The following TRAK1 variants were observed in gnomAD, a reference collection of about 807,000 sequenced individuals.
TRAK1 encodes trafficking kinesin protein 1.
In TRAK1, 33 loss-of-function variants were observed where a neutral mutation model predicts 92.1. The observed-to-expected ratio is 0.36, with a 90% confidence interval of 0.27 to 0.48. The LOEUF is 0.48. Ranked by LOEUF, TRAK1 falls within the 20% of genes least tolerant of loss-of-function variation. The pLI, the probability that TRAK1 is intolerant of heterozygous loss-of-function variation, is 0.99. For synonymous variants in TRAK1, 521 were observed against 517.3 expected (o/e 1.01, Z -0.10); for missense variants, 1,123 against 1,257.9 (o/e 0.89, Z 1.62).
intron 1 of TRAK1, among the ~76,000 whole-genome samples, chr3:42,077,565 G>A (rs1474293175): frequency 6.6e-6 from 1 of 152,224 alleles, no homozygotes; most frequent in Non-Finnish European, 1.5e-5. Flanking sequence ...TTGGGATACA[G>A]GCGTGAGCCA....
At chr3:42,032,878 C>T (rs770925260) in intron 1 of TRAK1, among the ~76,000 whole-genome samples, 22 of 152,132 alleles carry the variant, frequency 1.4e-4, no homozygotes, top group Non-Finnish European at 2.5e-4. Context: ...GCCATGATTG[C>T]GCCACCTGCA....
chr3:42,046,357 A>G (rs1338389358), intron 1 of TRAK1, among the ~76,000 whole-genome samples: 1 of 151,110 alleles, frequency 6.6e-6, no homozygotes, highest in East Asian at 1.9e-4. Context: ...AAAAAAGACC[A>G]CACATAATTT....
Position 42,023,172 on chromosome 3 carries a change from A to AAC in TRAK1, c.-519+9056_-519+9057insCA, listed in dbSNP as rs202193279. Among the ~76,000 whole-genome samples, 40 of 151,520 alleles carry AAC rather than the reference A, an allele frequency of 2.6e-4. 2 individuals are homozygous for AAC. The South Asian group carries it at 5.8e-3, about 22-fold the overall frequency. On this transcript the variant is annotated intron_variant, in intron 1 of 16. Coordinates refer to the TRAK1 transcript ENST00000487159. ...GACTGCATCTCAAAAAAAAAAAAAA[A>AAC]AACAACAAAAAGAAAATAAATATTC...
At chr3:42,088,818 T>C (rs150031979), upstream of TRAK1, among the ~76,000 whole-genome samples, 717 of 152,334 alleles carry the variant, frequency 4.7e-3, 4 homozygotes, top group African/African-American at 0.016. Flanking sequence ...CCTCAGTGGC[T>C]GCGTTTCTTC....
At chr3:42,110,409 T>G (rs1467714919) in intron 1 of TRAK1, among the ~76,000 whole-genome samples, 3 of 152,002 alleles carry the variant, frequency 2.0e-5, no homozygotes, top group Non-Finnish European at 4.4e-5. Context: ...CATGCAAGGC[T>G]GAGGTGCTCC....
intron 1 of TRAK1, among the ~76,000 whole-genome samples, chr3:42,124,101 G>A (rs1710257323): frequency 6.6e-6 from 1 of 151,320 alleles, no homozygotes; most frequent in African/African-American, 2.4e-5. Flanking sequence ...TTGTGCCACT[G>A]CATTCCAGCC....
At chr3:42,146,175 A>G (rs1699299610) in intron 2 of TRAK1, 2 of 348,446 alleles carry the variant, frequency 5.7e-6, no homozygotes, top group Non-Finnish European at 1.1e-5. Flanking sequence ...AAGGAGGAAA[A>G]AATACCTTCA....
At chr3:42,204,580 G>C (rs1577002905) in intron 13 of TRAK1, among the ~76,000 whole-genome samples, 1 of 152,112 alleles carries the variant, frequency 6.6e-6, no homozygotes, top group Non-Finnish European at 1.5e-5. Flanking sequence ...CTTCTTAGCT[G>C]TTTATTTATG....
At chr3:42,167,744 G>A (rs753004115) in intron 2 of TRAK1, among the ~76,000 whole-genome samples, 2 of 152,166 alleles carry the variant, frequency 1.3e-5, no homozygotes, top group Non-Finnish European at 2.9e-5. Context: ...GCTGGGCGTG[G>A]TGGTGGGCAC....
intron 2 of TRAK1, among the ~76,000 whole-genome samples, chr3:42,132,272 T>G (rs1265992600): frequency 6.6e-6 from 1 of 151,532 alleles, no homozygotes; most frequent in Non-Finnish European, 1.5e-5. Context: ...GGTGTATTTT[T>G]TTTTTTTGAG....
chr3:42,205,475 G>A (rs1708224796), intron 13 of TRAK1, among the ~76,000 whole-genome samples: 2 of 152,228 alleles, frequency 1.3e-5, no homozygotes, highest in South Asian at 2.1e-4. Flanking sequence ...GTGTTTAAGA[G>A]TGCTAGCACT....
intron 1 of TRAK1, among the ~76,000 whole-genome samples, chr3:42,113,345 C>CT (rs1408167703): frequency 6.7e-6 from 1 of 149,750 alleles, no homozygotes; most frequent in African/African-American, 2.5e-5. Context: ...CTACTCTACT[C>CT]CTACTCCTAC....
intron 1 of TRAK1, among the ~76,000 whole-genome samples, chr3:42,111,283 G>A (rs1413015441): frequency 2.0e-5 from 3 of 152,118 alleles, no homozygotes; most frequent in Admixed American, 1.3e-4. Context: ...ACTTTGGGAG[G>A]AACTCATAGT....
At chr3:42,065,905 T>C (rs1703656876) in intron 1 of TRAK1, among the ~76,000 whole-genome samples, 1 of 152,156 alleles carries the variant, frequency 6.6e-6, no homozygotes, top group Non-Finnish European at 1.5e-5. Flanking sequence ...GCTGGGATTA[T>C]AGGCTTGAGC....
intron 1 of TRAK1, among the ~76,000 whole-genome samples, chr3:42,112,065 C>T (rs2149077340): frequency 6.7e-6 from 1 of 149,656 alleles, no homozygotes; most frequent in Admixed American, 6.7e-5. Flanking sequence ...TGTACTAAGA[C>T]TCCAAGGAAA....
At position 42,157,457 on chromosome 3, in the gene TRAK1, CAAAAAAA is replaced by C. The variant is rs60622565; in HGVS notation, c.287-19331_287-19325del. 8.4e-4 allele frequency among the ~76,000 whole-genome samples: 26 copies of C among 31,106 alleles called. 1 individual carries two copies. The East Asian group carries it at 8.5e-3, about 10-fold the overall frequency. The allele number at this position is 31,106 out of a possible 152,430, so 20.4% of individuals were successfully genotyped here. ...TGGGCAACAGAATGAGACCCTGTCT[CAAAAAAA>C]AAAAAAAAAAAAAAAAAAAAAAAAA... On this transcript the variant is annotated intron_variant, in intron 2 of 15. Transcript: ENST00000327628.
chr3:42,207,267 T>C (rs1430125722), intron 13 of TRAK1, among the ~76,000 whole-genome samples: 1 of 152,138 alleles, frequency 6.6e-6, no homozygotes, highest in African/African-American at 2.4e-5. Context: ...CAGTGAGCAT[T>C]TGTACTGGGG....
intron 1 of TRAK1, among the ~76,000 whole-genome samples, chr3:42,092,711 GTGTTATGTTATGTTATGTTA>G (rs71078412): frequency 1.2e-4 from 12 of 101,116 alleles, no homozygotes; most frequent in East Asian, 8.3e-4. Context: ...GTGTTGTGTT[GTGTTATGTTATGTTATGTTA>G]TGTTATGTTA....
At chr3:42,030,437 C>G (rs1702087203) in intron 1 of TRAK1, among the ~76,000 whole-genome samples, 1 of 149,524 alleles carries the variant, frequency 6.7e-6, no homozygotes, top group Admixed American at 6.7e-5. Context: ...CTTTGGGAGG[C>G]CGAGGTGGGT....
Sources: allele counts gnomAD v4.1 joint callset (sites outside exome capture counted in the v4.1 genomes callset), GRCh38; gene constraint gnomAD v4.1.1; transcripts MANE v1.5; gene names NCBI Gene and HGNC (gene_info 2026-07-23, HGNC 2026-07-21).